The following METAP1D variants were observed in gnomAD, a reference collection of about 807,000 sequenced individuals.
METAP1D encodes methionyl aminopeptidase type 1D, mitochondrial.
METAP1D carries 31 observed loss-of-function variants against 40.5 expected under a neutral mutation model. The ratio of observed to expected loss-of-function variants is 0.77; its 90% CI spans 0.58 to 1.03. The LOEUF (loss-of-function observed/expected upper bound fraction) is 1.03, where lower values mean the gene tolerates loss of function less well. METAP1D is among the 50% of genes least tolerant of loss of function. The pLI is 0.00. For synonymous variants in METAP1D, 151 were observed against 146.4 expected, an observed-to-expected ratio of 1.03 and a Z score of -0.22; for missense variants, 411 against 420.7, an observed-to-expected ratio of 0.98 and a Z score of 0.20.
intron 3 of METAP1D, among the ~76,000 whole-genome samples, chr2:172,064,980 A>C (rs563969807): frequency 5.3e-5 from 8 of 152,318 alleles, no homozygotes; most frequent in African/African-American, 1.9e-4. Flanking sequence ...GTTTGGGAGC[A>C]ATTTAGTTTG....
chr2:172,040,202 C>A (rs1032281001), intron 1 of METAP1D, among the ~76,000 whole-genome samples: 11 of 152,144 alleles, frequency 7.2e-5, no homozygotes, highest in African/African-American at 2.6e-4. Flanking sequence ...GTGATCCACC[C>A]ACCTCAGCCT....
intron 1 of METAP1D, among the ~76,000 whole-genome samples, chr2:172,008,936 C>A (rs2105375549): frequency 6.6e-6 from 1 of 152,110 alleles, no homozygotes; most frequent in South Asian, 2.1e-4. Flanking sequence ...GACCTGCTGA[C>A]AAAAGGGAGG....
intron 1 of METAP1D, 131 bp downstream of exon 1, chr2:172,000,140 C>A: frequency 2.8e-6 from 2 of 717,528 alleles, no homozygotes; most frequent in South Asian, 6.2e-5. Flanking sequence ...TGTTTACGAA[C>A]ACACGCAGGC....
chr2:172,030,098 A>T (rs11893458), intron 1 of METAP1D, among the ~76,000 whole-genome samples: 66,417 of 144,226 alleles, frequency 0.46, 16,359 homozygotes, highest in Middle Eastern at 0.63. Flanking sequence ...TTATTTATTT[A>T]TTTTTTTTGA....
chr2:172,012,813 T>A (rs568177986), intron 1 of METAP1D, among the ~76,000 whole-genome samples: 1 of 152,216 alleles, frequency 6.6e-6, no homozygotes, highest in East Asian at 1.9e-4. Flanking sequence ...TATTAATCAT[T>A]CCTGACCTTG....
In METAP1D at chr2:172,063,736, C is replaced by T. The variant is rs745357105; in HGVS notation, c.224C>T (p.Thr75Met). ...PKHIKKPDYV[T>M]TGIVPDWGDS... Reference sequence around the variant, plus strand: ...CACATAAAGAAGCCAGACTATGTGACGACAGGCATTGTACCAGACTGGGGA... The same window carrying T: ...CACATAAAGAAGCCAGACTATGTGATGACAGGCATTGTACCAGACTGGGGA... The change falls in exon 3 of 10, where the codon ACG becomes ATG. Residue 75 changes from threonine (T) to methionine (M), a missense_variant. Transcript: ENST00000315796. 56 of 1,613,530 alleles carry T rather than the reference C, an allele frequency of 3.5e-5. No homozygotes were observed. Among genetic ancestry groups the T allele is most frequent in the Non-Finnish European group, 4.4e-5 (52 of 1,179,782 alleles).
intron 1 of METAP1D, among the ~76,000 whole-genome samples, chr2:172,006,282 C>T (rs549670697): frequency 6.6e-6 from 1 of 151,936 alleles, no homozygotes; most frequent in South Asian, 2.1e-4. Flanking sequence ...CTCCCAGGTT[C>T]ATGCCATTCT....
chr2:172,006,180 GT>G (rs1558990551), intron 1 of METAP1D, among the ~76,000 whole-genome samples: 2 of 84,588 alleles, frequency 2.4e-5, no homozygotes, highest in Non-Finnish European at 4.4e-5. Context: ...GATATTTATA[GT>G]TTTTGTTTTT....
intron 1 of METAP1D, among the ~76,000 whole-genome samples, chr2:172,013,260 G>A (rs1688771248): frequency 6.6e-6 from 1 of 152,146 alleles, no homozygotes; most frequent in Admixed American, 6.5e-5. Flanking sequence ...TTTAGTTCAG[G>A]TCCACCCCCT....
At chr2:172,009,282 G>A (rs1235231954) in intron 1 of METAP1D, among the ~76,000 whole-genome samples, 1 of 151,758 alleles carries the variant, frequency 6.6e-6, no homozygotes, top group Non-Finnish European at 1.5e-5. Flanking sequence ...TGACCTCGTG[G>A]TCCGCCCACT....
chr2:172,008,793 T>C (rs919321560), intron 1 of METAP1D, among the ~76,000 whole-genome samples: 7 of 152,122 alleles, frequency 4.6e-5, no homozygotes, highest in African/African-American at 1.2e-4. Flanking sequence ...TGAGAAAGCA[T>C]TGTGATGTAG....
rs1329276088 is a variant in METAP1D, at chr2:172,044,426, A to C, written c.41-17072A>C. Among the ~76,000 whole-genome samples, 25 of 107,050 alleles carry C rather than the reference A, an allele frequency of 2.3e-4. 2 individuals are homozygous for C. The highest frequency in any genetic ancestry group is 6.7e-4 in the African/African-American group (23 of 34,300). 70.2% of individuals were successfully genotyped at this position (107,050 alleles called of 152,430 possible). A position where few individuals can be genotyped will look rare whatever the true frequency, so the allele number is the denominator to read the frequency against. On this transcript the variant is annotated intron_variant, in intron 1 of 9. Transcript: ENST00000315796. Reference sequence around the variant, plus strand: ...ATACAAAAAAAAAAAAAAAAAAAAAACCCAAAACAAACAAAAAACCTAGCT... The same window carrying C: ...ATACAAAAAAAAAAAAAAAAAAAAACCCCAAAACAAACAAAAAACCTAGCT...
chr2:172,018,743 C>T (rs6719012), intron 1 of METAP1D, among the ~76,000 whole-genome samples: 67,661 of 151,516 alleles, frequency 0.45, 15,369 homozygotes, highest in Middle Eastern at 0.49. Flanking sequence ...CCCATCCCCC[C>T]CTCACCCCAC....
chr2:172,069,202 C>T (rs942972219), intron 5 of METAP1D, among the ~76,000 whole-genome samples: 1 of 152,142 alleles, frequency 6.6e-6, no homozygotes, highest in Non-Finnish European at 1.5e-5. Context: ...TGAGCTACTG[C>T]ACCCAGCCTC....
rs67708838 is a variant in METAP1D at position 172,041,726 on chromosome 2, T to TTATATATATATATA, written c.41-19744_41-19731dup. On this transcript the variant is annotated intron_variant, in intron 1 of 9. Transcript: ENST00000315796. ...TTTTAATTTCCTTACTCTAATTATT[T>TTATATATATATATA]TATATATATATATATATATATATAT... Among the ~76,000 whole-genome samples the TTATATATATATATA allele has an allele frequency of 9.4e-3, 353 of 37,510 alleles. 8 individuals carry two copies. The highest frequency in any genetic ancestry group is 0.011 in the Non-Finnish European group (170 of 15,578). 24.6% of individuals were successfully genotyped at this position (37,510 alleles called of 152,430 possible). A position where few individuals can be genotyped will look rare whatever the true frequency, so the allele number is the denominator to read the frequency against.
At chr2:172,016,300 A>AAAAAAATATATATATAT (rs1553490378) in intron 1 of METAP1D, among the ~76,000 whole-genome samples, 2 of 40,048 alleles carry the variant, frequency 5.0e-5, no homozygotes, top group Non-Finnish European at 9.2e-5. Context: ...AAAAAAAAAA[A>AAAAAAATATATATATAT]ATATATATAT....
chr2:172,013,536 T>A lies in METAP1D; in HGVS notation c.40+13527T>A, dbSNP rs1177658141. Among the ~76,000 whole-genome samples, 3 of 151,848 alleles carry A rather than the reference T, an allele frequency of 2.0e-5. No individual in the cohort carries two copies. The East Asian group carries it at 5.8e-4, about 29-fold the overall frequency. Reference sequence around the variant, plus strand: ...ATCCATGGGAGAGAAAATAAATATGTCAATATTAGGGTGGTGAGGCCTGTA... The same window carrying A: ...ATCCATGGGAGAGAAAATAAATATGACAATATTAGGGTGGTGAGGCCTGTA... On this transcript the variant is annotated intron_variant, in intron 1 of 9. Transcript: ENST00000315796.
intron 1 of METAP1D, among the ~76,000 whole-genome samples, chr2:172,032,289 A>C (rs1291458248): frequency 6.6e-6 from 1 of 152,200 alleles, no homozygotes; most frequent in Non-Finnish European, 1.5e-5. Context: ...ACTTTATGAT[A>C]AAATCAGTAA....
intron 6 of METAP1D, among the ~76,000 whole-genome samples, chr2:172,074,730 T>C (rs560095117): frequency 6.6e-6 from 1 of 152,314 alleles, no homozygotes; most frequent in East Asian, 1.9e-4. Context: ...CATTCATAAC[T>C]ACTGCCTAAA....
Sources: gnomAD v4.1 joint callset for allele counts (sites outside exome capture counted in the v4.1 genomes callset) on GRCh38, gnomAD v4.1.1 for gene constraint, MANE v1.5 for transcripts, NCBI Gene and HGNC (gene_info 2026-07-23, HGNC 2026-07-21) for gene names.